The following SYN2 variants were observed in gnomAD, a reference collection of about 807,000 sequenced individuals.
The protein encoded by SYN2 is synapsin II.
Under a neutral mutation model 50.9 loss-of-function variants are expected in SYN2, and 19 were observed. The observed-to-expected ratio is 0.37, with a 90% CI of 0.26 to 0.55. The LOEUF (loss-of-function observed/expected upper bound fraction) is 0.55, where lower values mean the gene tolerates loss of function less well. SYN2 is among the 20% of genes least tolerant of loss of function. SYN2 has a pLI of 0.81. For synonymous variants in SYN2, 255 were observed against 224.9 expected (o/e 1.13, Z -1.20); for missense variants, 587 against 576.4 (o/e 1.02, Z -0.19).
intron 1 of SYN2, among the ~76,000 whole-genome samples, chr3:12,115,478 A>G (rs1041941404): frequency 2.0e-5 from 3 of 152,198 alleles, no homozygotes; most frequent in African/African-American, 7.2e-5. Context: ...AAGTGCCAAG[A>G]AAGTTGGCTG....
intron 1 of SYN2, among the ~76,000 whole-genome samples, chr3:12,068,615 A>G (rs1479607010): frequency 6.6e-6 from 1 of 151,930 alleles, no homozygotes; most frequent in Non-Finnish European, 1.5e-5. Flanking sequence ...TAGAACTATT[A>G]TTTGGTTGTT....
At chr3:12,025,950 G>GT (rs1409537485) in intron 1 of SYN2, among the ~76,000 whole-genome samples, 1 of 152,198 alleles carries the variant, frequency 6.6e-6, no homozygotes. Flanking sequence ...TCTTTCACCA[G>GT]TTTTTTTCAT....
intron 1 of SYN2, among the ~76,000 whole-genome samples, chr3:12,035,323 G>A (rs1694475615): frequency 6.6e-6 from 1 of 152,208 alleles, no homozygotes; most frequent in South Asian, 2.1e-4. Flanking sequence ...CGTACCTGCA[G>A]CTCTCTCAGG....
intron 1 of SYN2, among the ~76,000 whole-genome samples, chr3:12,135,707 G>A (rs1286962122): frequency 1.3e-5 from 2 of 152,194 alleles, no homozygotes; most frequent in Admixed American, 6.5e-5. Flanking sequence ...ATTGACACAT[G>A]TGAGAAGAAG....
At chr3:12,125,039 G>A (rs1206021364) in intron 1 of SYN2, among the ~76,000 whole-genome samples, 2 of 151,866 alleles carry the variant, frequency 1.3e-5, no homozygotes, top group Admixed American at 1.3e-4. Flanking sequence ...TTTTGAGATG[G>A]AGTCTCACCC....
chr3:12,128,908 T>C (rs894574791), intron 1 of SYN2, among the ~76,000 whole-genome samples: 5 of 152,190 alleles, frequency 3.3e-5, no homozygotes, highest in African/African-American at 1.2e-4. Flanking sequence ...CACTAACATG[T>C]ACCAGGCATT....
intron 1 of SYN2, among the ~76,000 whole-genome samples, chr3:12,020,752 C>T (rs1364190579): frequency 1.3e-5 from 2 of 152,148 alleles, no homozygotes; most frequent in African/African-American, 4.8e-5. Context: ...CCATGTACTT[C>T]ATATATTCTT....
chr3:12,026,800 G>T (rs1255869069), intron 1 of SYN2, among the ~76,000 whole-genome samples: 4 of 152,132 alleles, frequency 2.6e-5, no homozygotes, highest in Non-Finnish European at 5.9e-5. Flanking sequence ...TATTGTTTGG[G>T]TTAGCACTGC....
At chr3:12,033,436 C>G in intron 1 of SYN2, among the ~76,000 whole-genome samples, 1 of 152,144 alleles carries the variant, frequency 6.6e-6, no homozygotes, top group East Asian at 1.9e-4. Context: ...CAGTGGTAAG[C>G]TTAGATAATT....
intron 1 of SYN2, among the ~76,000 whole-genome samples, chr3:12,106,130 C>G (rs78544396): frequency 0.05 from 7,542 of 152,166 alleles, 258 homozygotes; most frequent in East Asian, 0.15. Context: ...GACTAAGATC[C>G]CTGTTTCCGT....
At chr3:12,086,081 T>C (rs1477090075) in intron 1 of SYN2, among the ~76,000 whole-genome samples, 1 of 152,068 alleles carries the variant, frequency 6.6e-6, no homozygotes, top group Non-Finnish European at 1.5e-5. Flanking sequence ...ACCACAGAAA[T>C]ACAAAGTAGC....
At chr3:12,025,658 T>G (rs1694242144) in intron 1 of SYN2, among the ~76,000 whole-genome samples, 1 of 152,134 alleles carries the variant, frequency 6.6e-6, no homozygotes, top group African/African-American at 2.4e-5. Context: ...TTTTTGTTTT[T>G]GTTTTGGTGG....
chr3:12,125,375 T>A (rs1380343180), intron 1 of SYN2, among the ~76,000 whole-genome samples: 1 of 152,214 alleles, frequency 6.6e-6, no homozygotes, highest in East Asian at 1.9e-4. Flanking sequence ...TTAATACTGC[T>A]GGGTCTGATT....
chr3:12,154,015 A>G (rs1353454684), intron 5 of SYN2, among the ~76,000 whole-genome samples: 1 of 152,172 alleles, frequency 6.6e-6, no homozygotes, highest in Admixed American at 6.5e-5. Context: ...TTAATTCTTC[A>G]TAAATATGTT....
chr3:12,121,363 A>G (rs542567447), intron 1 of SYN2, among the ~76,000 whole-genome samples: 50 of 152,320 alleles, frequency 3.3e-4, no homozygotes, highest in African/African-American at 1.1e-3. Context: ...TGTTTAATAA[A>G]TATTTATGGA....
intron 4 of SYN2, 46 bp from the exon 5 acceptor site, chr3:12,151,191 C>T: frequency 1.4e-6 from 2 of 1,385,212 alleles, no homozygotes; most frequent in Non-Finnish European, 1.0e-6. Flanking sequence ...TCATCTGTTT[C>T]AGAAGTTATC....
intron 10 of SYN2, among the ~76,000 whole-genome samples, chr3:12,175,749 C>G (rs1339798183): frequency 1.3e-5 from 2 of 152,202 alleles, no homozygotes; most frequent in African/African-American, 4.8e-5. Flanking sequence ...CACCTTACCT[C>G]TAGCCTGGGA....
At chr3:12,126,841 G>C (rs533643110) in intron 1 of SYN2, among the ~76,000 whole-genome samples, 8 of 152,184 alleles carry the variant, frequency 5.3e-5, no homozygotes, top group Non-Finnish European at 1.2e-4. Context: ...TTTCATTGCA[G>C]TTATAATTTT....
intron 10 of SYN2, among the ~76,000 whole-genome samples, chr3:12,174,498 T>A (rs1463350002): frequency 6.6e-6 from 1 of 152,178 alleles, no homozygotes; most frequent in Non-Finnish European, 1.5e-5. Context: ...TTTGCATTTT[T>A]TTTGAGACAG....
Sources: allele counts gnomAD v4.1 joint callset (sites outside exome capture counted in the v4.1 genomes callset), GRCh38; gene constraint gnomAD v4.1.1; transcripts MANE v1.5; gene names NCBI Gene and HGNC (gene_info 2026-07-23, HGNC 2026-07-21).